Variants in VPS52 observed in about 807,000 individuals in gnomAD.
VPS52 encodes vacuolar protein sorting-associated protein 52 homolog.
A neutral mutation model predicts 98.7 loss-of-function variants in VPS52; 56 were observed. The observed-to-expected ratio is 0.57, with a 90% CI of 0.46 to 0.71. The LOEUF (loss-of-function observed/expected upper bound fraction) is 0.71, where lower values mean the gene tolerates loss of function less well. Among genes scored for constraint, VPS52 ranks in the 30% least tolerant of loss-of-function variants. The pLI, the probability that VPS52 is intolerant of heterozygous loss-of-function variation, is 0.00. For missense variants in VPS52, 742 were observed against 925.9 expected (o/e 0.80, Z 2.58); for synonymous variants, 348 against 346.4 (o/e 1.00, Z -0.05).
intron 17 of VPS52, among the ~76,000 whole-genome samples, chr6:33,262,037 T>C (rs1426116933): frequency 8.0e-5 from 2 of 25,066 alleles, no homozygotes; most frequent in African/African-American, 4.3e-4. Context: ...CAAAACTCCA[T>C]CTCAAAAAAA....
At chr6:33,255,128 T>C (rs904708856) in intron 17 of VPS52, 3 of 152,222 alleles carry the variant, frequency 2.0e-5, no homozygotes, top group African/African-American at 7.2e-5. Flanking sequence ...ATTATATTCC[T>C]ATAGGAGTAC....
intron 4 of VPS52, 35 bp downstream of exon 4, chr6:33,269,709 C>T: frequency 6.2e-7 from 1 of 1,605,912 alleles, no homozygotes. Context: ...ATCCCCATGT[C>T]AATAGCACCA....
At chr6:33,260,039 C>T (rs574421822) in intron 17 of VPS52, among the ~76,000 whole-genome samples, 1 of 152,066 alleles carries the variant, frequency 6.6e-6, no homozygotes, top group Non-Finnish European at 1.5e-5. Flanking sequence ...CTCACAGAAG[C>T]AAGAAACTGG....
chr6:33,265,234 G>A (rs544897593), intron 12 of VPS52, among the ~76,000 whole-genome samples: 4 of 152,138 alleles, frequency 2.6e-5, no homozygotes, highest in African/African-American at 7.2e-5. Context: ...CTGCCACCAC[G>A]CCCGACTAAT....
Position 33,268,600 on chromosome 6 carries a change from G to C in VPS52, c.598C>G (p.Gln200Glu). Residue 200 changes from glutamine to glutamate, a missense_variant, in exon 7 of 20, where the codon CAG becomes GAG. This residue lies in a region of VPS52 where 590 missense variants were observed against 793.3 expected (regional missense o/e 0.74). Transcript: ENST00000445902. This position sits in a 1 kb window ranked among gnomAD's most constrained non-coding sequence, Gnocchi z 4.0. ...VTEPRFLEQL[Q>E]ELDAKAAAVR... ...GCGGCTGCCTTGGCATCCAGCTCCT[G>C]TAGCTGCTCCAAGAACCTGGGCTCT... 6.2e-7 allele frequency: 1 copy of C among 1,610,996 alleles called. No individual in the cohort carries two copies. Among genetic ancestry groups the C allele is most frequent in the Non-Finnish European group, 8.5e-7 (1 of 1,179,972 alleles).
intron 17 of VPS52, among the ~76,000 whole-genome samples, chr6:33,258,386 CAAA>C (rs9280387): frequency 3.4e-5 from 3 of 88,734 alleles, no homozygotes; most frequent in Non-Finnish European, 4.3e-5. Context: ...AACTCCATCT[CAAA>C]AAAAAAAAAA....
chr6:33,264,362 G>A lies in VPS52; in HGVS notation c.1524+12C>T. The A allele has an allele frequency of 1.2e-6, 2 of 1,613,626 alleles. No individual in the cohort carries two copies. The highest frequency in any genetic ancestry group is 1.1e-5 in the South Asian group (1 of 91,022). On this transcript the variant is annotated intron_variant, in intron 14 of 19. Transcript: ENST00000445902. ...CTTTCAAGAACCCTTTGTTACCCTT[G>A]CCCTCCCTCACATAGTGGGGCCGAG...
At chr6:33,254,067 CT>C (rs1164605568) in intron 17 of VPS52, among the ~76,000 whole-genome samples, 1 of 151,892 alleles carries the variant, frequency 6.6e-6, no homozygotes, top group Non-Finnish European at 1.5e-5. Flanking sequence ...ACAGAAAGAT[CT>C]GGTAAGAAGA....
In VPS52 at chr6:33,265,225, T is replaced by G. The variant is rs899168724; in HGVS notation, c.1282-325A>C. ...CTGAGTAGCTGGAATTATAGGCGCC[T>G]GCCACCACGCCCGACTAATTTTTGT... On this transcript the variant is annotated intron_variant, in intron 12 of 19. Coordinates refer to ENST00000445902, the MANE Select transcript of VPS52 (RefSeq NM_022553.6). Among the ~76,000 whole-genome samples the G allele has an allele frequency of 9.9e-5, 15 of 152,150 alleles. No homozygotes were observed. The East Asian group carries it at 2.9e-3, about 29-fold the overall frequency.
At chr6:33,262,040 C>CAAAAAA (rs9257102) in intron 17 of VPS52, among the ~76,000 whole-genome samples, 9 of 15,350 alleles carry the variant, frequency 5.9e-4, no homozygotes, top group East Asian at 2.5e-3. Flanking sequence ...AACTCCATCT[C>CAAAAAA]AAAAAAAAAA....
Position 33,268,358 on chromosome 6 carries a change from G to A in VPS52, c.699+141C>T. 1 of 1,345,310 alleles carries A rather than the reference G, an allele frequency of 7.4e-7. No homozygotes were observed. The highest frequency in any genetic ancestry group is 2.3e-5 in the East Asian group (1 of 42,942). The allele number at this position is 1,345,310 out of a possible 1,614,324, so 83.3% of individuals were successfully genotyped here. A position where few individuals can be genotyped will look rare whatever the true frequency, so the allele number is the denominator to read the frequency against. Reference sequence around the variant, plus strand: ...CAAGATTTTCAGGGAAACCCAGAGAGACAAGAATGGGGCTGCCCAGAAAAG... The same window carrying A: ...CAAGATTTTCAGGGAAACCCAGAGAAACAAGAATGGGGCTGCCCAGAAAAG... On this transcript the variant is annotated intron_variant, in intron 7 of 19. Coordinates refer to ENST00000445902, the MANE Select transcript of VPS52 (RefSeq NM_022553.6). The surrounding 1 kb of genome is among the most constrained non-coding windows in gnomAD (Gnocchi z 4.0).
chr6:33,253,422 A>G, intron 17 of VPS52, among the ~76,000 whole-genome samples: 1 of 151,214 alleles, frequency 6.6e-6, no homozygotes, highest in East Asian at 1.9e-4. Flanking sequence ...CCCGGGAGGC[A>G]GATGTTGGAG....
In VPS52 at chr6:33,267,746, A is replaced by G. The variant is rs750585467; in HGVS notation, c.934-7T>C. The G allele has an allele frequency of 4.3e-6, 7 of 1,612,874 alleles. No homozygotes were observed. The African/African-American group carries it at 9.3e-5, about 22-fold the overall frequency. ...TCTCAGCGACTTCCTCATACTAAGG[A>G]AAGAGAAAAGAGAACTGATAACCGT... is the stretch of plus-strand genomic sequence containing the variant. On this transcript the variant is annotated splice_polypyrimidine_tract_variant and splice_region_variant and intron_variant, in intron 9 of 19. Coordinates refer to ENST00000445902, the MANE Select transcript of VPS52 (RefSeq NM_022553.6). The surrounding 1 kb of genome is among the most constrained non-coding windows in gnomAD (Gnocchi z 4.2).
At position 33,268,795 on chromosome 6, in the gene VPS52, T is replaced by A; in HGVS notation, c.549-146A>T. 8.4e-7 allele frequency: 1 copy of A among 1,191,698 alleles called. No individual in the cohort carries two copies. The highest frequency in any genetic ancestry group is 1.5e-5 in the African/African-American group (1 of 64,976). 73.8% of individuals were successfully genotyped at this position (1,191,698 alleles called of 1,614,324 possible). A position where few individuals can be genotyped will look rare whatever the true frequency, so the allele number is the denominator to read the frequency against. On this transcript the variant is annotated intron_variant, in intron 6 of 19. Transcript: ENST00000445902. The surrounding 1 kb of genome is among the most constrained non-coding windows in gnomAD (Gnocchi z 4.0). ...TAGTCAGGACACATGTACAAAGTTT[T>A]CTATTCCTGGACCTCCCCACTATAC...
At chr6:33,271,285 C>T in intron 1 of VPS52, 1 of 622,924 alleles carries the variant, frequency 1.6e-6, no homozygotes, top group South Asian at 1.9e-5. Context: ...GTGTAAGTGG[C>T]AGAGATAGAA....
intron 17 of VPS52, among the ~76,000 whole-genome samples, chr6:33,256,316 A>T (rs1033438628): frequency 1.3e-5 from 2 of 151,696 alleles, no homozygotes; most frequent in African/African-American, 4.8e-5. Flanking sequence ...CAGAAAAAAA[A>T]AAGCCAAGTG....
intron 11 of VPS52, 61 bp from the exon 12 acceptor site, chr6:33,266,773 T>C (rs1764372822): frequency 1.3e-6 from 2 of 1,539,172 alleles, no homozygotes; most frequent in African/African-American, 1.4e-5. Context: ...TGACTTCCCA[T>C]GGATATGGCT....
intron 14 of VPS52, 96 bp downstream of exon 14, chr6:33,264,278 G>A (rs213202): frequency 0.37 from 577,362 of 1,573,998 alleles, 108,408 homozygotes; most frequent in East Asian, 0.64. Flanking sequence ...TGCTCATAGC[G>A]TGGCCCATGA....
chr6:33,252,533 G>A (rs1468436666), intron 17 of VPS52, among the ~76,000 whole-genome samples: 2 of 143,996 alleles, frequency 1.4e-5, no homozygotes, highest in Non-Finnish European at 3.0e-5. Context: ...AGGTTGCAGT[G>A]AGCAGAGATC....
Sources: gnomAD v4.1 joint callset for allele counts (sites outside exome capture counted in the v4.1 genomes callset) on GRCh38, gnomAD v4.1.1 for gene constraint, gnomAD v4.1.1 regional missense constraint, Gnocchi (gnomAD v3.1) non-coding constraint, MANE v1.5 for transcripts, NCBI Gene and HGNC (gene_info 2026-07-23, HGNC 2026-07-21) for gene names.